The following MSRA variants were observed in gnomAD, a reference collection of about 807,000 sequenced individuals.
MSRA encodes the protein methionine sulfoxide reductase A.
Under a neutral mutation model 31.3 loss-of-function variants are expected in MSRA, and 54 were observed. That is an observed-to-expected ratio of 1.73 (90% CI 1.39 to 2.17). The LOEUF is 2.17. Ranked by LOEUF, MSRA falls within the 30% of genes most tolerant of loss-of-function variation. The pLI, the probability that MSRA is intolerant of heterozygous loss-of-function variation, is 0.00. For synonymous variants in MSRA, 169 were observed against 116.5 expected (o/e 1.45, Z -2.90); for missense variants, 507 against 300.9 (o/e 1.69, Z -5.07).
At chr8:10,113,776 T>TA (rs1800472099) in intron 1 of MSRA, among the ~76,000 whole-genome samples, 4 of 151,100 alleles carry the variant, frequency 2.6e-5, no homozygotes, top group African/African-American at 4.9e-5. Flanking sequence ...TTTTTTTTTT[T>TA]TAAAAAAAAG....
chr8:10,208,603 G>A (rs1302339278), intron 2 of MSRA, among the ~76,000 whole-genome samples: 1 of 151,592 alleles, frequency 6.6e-6, no homozygotes, highest in East Asian at 1.9e-4. Flanking sequence ...TTCTTCTGTT[G>A]GGCCCATCTC....
intron 4 of MSRA, among the ~76,000 whole-genome samples, chr8:10,308,584 C>T (rs1003469586): frequency 1.3e-5 from 2 of 152,216 alleles, no homozygotes; most frequent in African/African-American, 4.8e-5. Flanking sequence ...GGATGAGATC[C>T]GGACTCTTTA....
chr8:10,189,911 A>C (rs1807365737), intron 1 of MSRA, among the ~76,000 whole-genome samples: 1 of 152,006 alleles, frequency 6.6e-6, no homozygotes, highest in Non-Finnish European at 1.5e-5. Flanking sequence ...CTCTTGCTTG[A>C]ATGTATCTAG....
chr8:10,399,416 G>C (rs1416133334), intron 5 of MSRA, among the ~76,000 whole-genome samples: 2 of 152,208 alleles, frequency 1.3e-5, no homozygotes, highest in Non-Finnish European at 2.9e-5. Flanking sequence ...GAATGGCTTA[G>C]CGCCATCTCC....
chr8:10,099,360 G>A (rs895879593), intron 1 of MSRA, among the ~76,000 whole-genome samples: 29 of 152,160 alleles, frequency 1.9e-4, no homozygotes, highest in Admixed American at 1.3e-4. Flanking sequence ...ACTCCCAGAG[G>A]ACTTGCTCTG....
chr8:10,340,787 C>G (rs1186135862), intron 5 of MSRA, among the ~76,000 whole-genome samples: 4 of 152,222 alleles, frequency 2.6e-5, no homozygotes, highest in Non-Finnish European at 5.9e-5. Context: ...GTGGAAGCAA[C>G]CTATATACAA....
chr8:10,152,488 G>C (rs963568878), intron 1 of MSRA, among the ~76,000 whole-genome samples: 1 of 152,084 alleles, frequency 6.6e-6, no homozygotes, highest in African/African-American at 2.4e-5. Context: ...GCAATTAAGA[G>C]CCCCAGGAAA....
chr8:10,293,138 T>A (rs983592662), intron 3 of MSRA, among the ~76,000 whole-genome samples: 1 of 152,128 alleles, frequency 6.6e-6, no homozygotes, highest in African/African-American at 2.4e-5. Context: ...AATGCTGACA[T>A]GAGTCTATGG....
chr8:10,061,270 C>A (rs1218127796), intron 1 of MSRA, among the ~76,000 whole-genome samples: 1 of 152,126 alleles, frequency 6.6e-6, no homozygotes, highest in East Asian at 1.9e-4. Flanking sequence ...ACACTTGGAT[C>A]TTTTTACTTA....
intron 2 of MSRA, among the ~76,000 whole-genome samples, chr8:10,239,840 G>T (rs75297332): frequency 0.016 from 2,489 of 152,280 alleles, 74 homozygotes; most frequent in African/African-American, 0.057. Context: ...TTCATTTGGG[G>T]AACATGGTGT....
chr8:10,153,905 A>G (rs1174948996), intron 1 of MSRA, among the ~76,000 whole-genome samples: 1 of 152,228 alleles, frequency 6.6e-6, no homozygotes, highest in Non-Finnish European at 1.5e-5. Flanking sequence ...ACTAAATAAA[A>G]ATTATCCAAA....
At chr8:10,138,930 C>A (rs562501084) in intron 1 of MSRA, among the ~76,000 whole-genome samples, 3 of 152,298 alleles carry the variant, frequency 2.0e-5, no homozygotes, top group East Asian at 3.9e-4. Context: ...CCTAGAGCTC[C>A]TTGTCCCCAG....
chr8:10,238,301 C>A (rs1812123482), intron 2 of MSRA, among the ~76,000 whole-genome samples: 1 of 152,194 alleles, frequency 6.6e-6, no homozygotes, highest in Non-Finnish European at 1.5e-5. Context: ...ATTGTGCTTT[C>A]CCAGCCCACC....
rs933644970 is a variant in MSRA, at chr8:10,367,706, G to A, written c.543+47717G>A. On this transcript the variant is annotated intron_variant, in intron 5 of 5. Coordinates refer to ENST00000317173, the MANE Select transcript of MSRA (RefSeq NM_012331.5). Reference sequence around the variant, plus strand: ...AGGAACTTGCAAGGGCTCCGATCGCGGGCATCCCATTGCTCTGTCTCCGGC... The same window carrying A: ...AGGAACTTGCAAGGGCTCCGATCGCAGGCATCCCATTGCTCTGTCTCCGGC... Among the ~76,000 whole-genome samples, 4 of 152,326 alleles carry A rather than the reference G, an allele frequency of 2.6e-5. No homozygotes were observed. The East Asian group carries it at 5.8e-4, about 22-fold the overall frequency.
At chr8:10,334,767 G>T (rs557804847) in intron 5 of MSRA, among the ~76,000 whole-genome samples, 2 of 152,338 alleles carry the variant, frequency 1.3e-5, no homozygotes, top group East Asian at 1.9e-4. Flanking sequence ...GCAGGAAAAA[G>T]AAAGAAAATA....
At chr8:10,325,881 C>T (rs1365224569) in intron 5 of MSRA, among the ~76,000 whole-genome samples, 3 of 152,158 alleles carry the variant, frequency 2.0e-5, no homozygotes, top group African/African-American at 7.2e-5. Context: ...GCTCCTGAAA[C>T]CACAGAGGTG....
chr8:10,190,061 G>T (rs1720497873), intron 1 of MSRA, among the ~76,000 whole-genome samples: 1 of 152,034 alleles, frequency 6.6e-6, no homozygotes, highest in South Asian at 2.1e-4. Context: ...ACATCTTTCT[G>T]TGTAAGCTCT....
chr8:10,285,054 C>T (rs1048590007), intron 3 of MSRA, among the ~76,000 whole-genome samples: 1 of 150,166 alleles, frequency 6.7e-6, no homozygotes, highest in East Asian at 2.0e-4. Flanking sequence ...GAAAAATACA[C>T]ATAACATAAA....
At chr8:10,132,267 T>G (rs753706891) in intron 1 of MSRA, among the ~76,000 whole-genome samples, 2 of 152,230 alleles carry the variant, frequency 1.3e-5, no homozygotes, top group African/African-American at 4.8e-5. Flanking sequence ...TATTTGACAT[T>G]AGCAATGTTA....
Sources: allele counts gnomAD v4.1 joint callset (sites outside exome capture counted in the v4.1 genomes callset), GRCh38; gene constraint gnomAD v4.1.1; transcripts MANE v1.5; gene names NCBI Gene and HGNC (gene_info 2026-07-23, HGNC 2026-07-21).